Variants in C2CD3 observed in about 807,000 individuals in gnomAD.
The protein encoded by C2CD3 is C2 domain-containing protein 3.
A neutral mutation model predicts 234.0 loss-of-function variants in C2CD3; 148 were observed. That is an observed-to-expected ratio of 0.63 (90% CI 0.55 to 0.72). C2CD3 has a LOEUF of 0.72. Ranked by LOEUF, C2CD3 falls within the 30% of genes least tolerant of loss-of-function variation. C2CD3 has a pLI of 0.00. For missense variants in C2CD3, 2,577 were observed against 2,811.5 expected, an observed-to-expected ratio of 0.92 and a Z score of 1.89; for synonymous variants, 1,000 against 1,035.4, an observed-to-expected ratio of 0.97 and a Z score of 0.66.
intron 26 of C2CD3, among the ~76,000 whole-genome samples, chr11:74,050,338 T>C (rs1591336779): frequency 6.6e-6 from 1 of 152,210 alleles, no homozygotes; most frequent in East Asian, 1.9e-4. Flanking sequence ...GCAAAATGAG[T>C]CTGGGCTCAG....
Position 74,085,715 on chromosome 11 carries a change from C to A in C2CD3, c.3813G>T (p.Leu1271Phe). The change falls in exon 21 of 33, where the codon TTG becomes TTT. Residue 1271 changes from leucine (L) to phenylalanine (F), a missense_variant. By Grantham distance (22) the Leu-to-Phe change is conservative. Transcript: ENST00000334126. ...CCTCTCCACTACAGTGCTGAGTCACCAAGTTACATGTGAACTCAACGTGAT... is the reference window on the plus strand; with the variant it reads ...CCTCTCCACTACAGTGCTGAGTCACAAAGTTACATGTGAACTCAACGTGAT... ...FSHHVEFTCNLVTQHCSGEAC... is the reference protein window; with the variant it reads ...FSHHVEFTCNFVTQHCSGEAC... The A allele has an allele frequency of 6.2e-7, 1 of 1,614,098 alleles. No individual in the cohort carries two copies. The highest frequency in any genetic ancestry group is 8.5e-7 in the Non-Finnish European group (1 of 1,180,030).
chr11:74,029,027 G>A (rs562714839), intron 31 of C2CD3, among the ~76,000 whole-genome samples: 90 of 152,278 alleles, frequency 5.9e-4, no homozygotes, highest in South Asian at 1.2e-3. Context: ...TGTCCATGAC[G>A]GGACATGTCC....
At chr11:74,093,257 T>C (rs978373809) in intron 18 of C2CD3, among the ~76,000 whole-genome samples, 6 of 151,370 alleles carry the variant, frequency 4.0e-5, no homozygotes, top group African/African-American at 1.5e-4. Flanking sequence ...TTTATGCCAG[T>C]ATTTTCCTGG....
chr11:74,143,693 C>T (rs1389044123), intron 3 of C2CD3, among the ~76,000 whole-genome samples: 1 of 151,642 alleles, frequency 6.6e-6, no homozygotes, highest in Non-Finnish European at 1.5e-5. Flanking sequence ...GCTCAATTTA[C>T]TAAAATTGCG....
At position 74,161,576 on chromosome 11, in the gene C2CD3, A is replaced by C. The variant is rs1856473376; in HGVS notation, c.326-20T>G. Reference sequence around the variant, plus strand: ...CCATATCTAACCAGAAACAATTACAACATGGATATTTTTCATTTACTTTTA... The same window carrying C: ...CCATATCTAACCAGAAACAATTACACCATGGATATTTTTCATTTACTTTTA... On this transcript the variant is annotated intron_variant, in intron 2 of 32. Transcript: ENST00000334126. The C allele has an allele frequency of 6.6e-7, 1 of 1,505,772 alleles. No homozygotes were observed. Among genetic ancestry groups the C allele is most frequent in the African/African-American group, 1.4e-5 (1 of 69,796 alleles). The allele number at this position is 1,505,772 out of a possible 1,614,324, so 93.3% of individuals were successfully genotyped here. A position where few individuals can be genotyped will look rare whatever the true frequency, so the allele number is the denominator to read the frequency against.
At chr11:74,155,530 T>C (rs1048108443) in intron 3 of C2CD3, among the ~76,000 whole-genome samples, 4 of 152,184 alleles carry the variant, frequency 2.6e-5, no homozygotes, top group Admixed American at 1.3e-4. Flanking sequence ...GAATGGGATA[T>C]ATCCATATCG....
chr11:74,084,828 G>C (rs1955567418), intron 22 of C2CD3, 53 bp downstream of exon 22: 2 of 1,038,628 alleles, frequency 1.9e-6, no homozygotes, highest in Non-Finnish European at 1.5e-6. Flanking sequence ...ACCTCTTGTA[G>C]GGAAGTGAAA....
At chr11:74,073,927 A>G (rs1954913805) in intron 24 of C2CD3, among the ~76,000 whole-genome samples, 1 of 152,224 alleles carries the variant, frequency 6.6e-6, no homozygotes, top group Non-Finnish European at 1.5e-5. Context: ...CCCTAGGTGC[A>G]TTAGGAAGGC....
chr11:74,036,727 C>T (rs1287662104), intron 30 of C2CD3, among the ~76,000 whole-genome samples: 2 of 152,116 alleles, frequency 1.3e-5, no homozygotes, highest in African/African-American at 4.8e-5. Context: ...TGGAGTAGGA[C>T]CCAGGAATCT....
intron 24 of C2CD3, among the ~76,000 whole-genome samples, chr11:74,058,773 T>C (rs72984839): frequency 0.025 from 3,818 of 152,152 alleles, 64 homozygotes; most frequent in Non-Finnish European, 0.04. Flanking sequence ...TGATACTAGA[T>C]AGTCTAACTG....
chr11:74,120,845 C>G (rs1957187562), intron 8 of C2CD3, among the ~76,000 whole-genome samples: 1 of 151,806 alleles, frequency 6.6e-6, no homozygotes, highest in African/African-American at 2.4e-5. Context: ...AGGATTAGTA[C>G]CAGCAAAAAA....
chr11:74,061,517 A>T (rs1954246616), intron 24 of C2CD3, among the ~76,000 whole-genome samples: 1 of 152,234 alleles, frequency 6.6e-6, no homozygotes, highest in African/African-American at 2.4e-5. Flanking sequence ...TTTCATATCC[A>T]GTCAAACTGA....
intron 15 of C2CD3, among the ~76,000 whole-genome samples, chr11:74,099,974 C>G (rs1435076771): frequency 6.6e-6 from 1 of 151,804 alleles, no homozygotes; most frequent in Non-Finnish European, 1.5e-5. Flanking sequence ...TTAATCAATA[C>G]CCCACCTACG....
At chr11:74,108,682 G>A (rs1469603661) in intron 12 of C2CD3, among the ~76,000 whole-genome samples, 1 of 152,116 alleles carries the variant, frequency 6.6e-6, no homozygotes, top group South Asian at 2.1e-4. Context: ...GCAGATTTGG[G>A]ATGGTGTCCT....
intron 28 of C2CD3, among the ~76,000 whole-genome samples, chr11:74,042,752 TAA>T (rs35623397): frequency 8.6e-5 from 12 of 140,214 alleles, no homozygotes; most frequent in African/African-American, 1.8e-4. Context: ...GACTCTGTCT[TAA>T]AAAAAAAAAA....
intron 22 of C2CD3, among the ~76,000 whole-genome samples, chr11:74,081,766 T>C (rs1955382112): frequency 6.6e-6 from 1 of 152,222 alleles, no homozygotes; most frequent in South Asian, 2.1e-4. Context: ...AGTTCACTCA[T>C]GATTTGGCTC....
chr11:74,114,110 C>T (rs1260698225), intron 10 of C2CD3, among the ~76,000 whole-genome samples: 1 of 152,152 alleles, frequency 6.6e-6, no homozygotes, highest in African/African-American at 2.4e-5. Context: ...CTATTTTGGG[C>T]CCTAAAGCTT....
rs767041191 is a variant in C2CD3 at position 74,098,241 on chromosome 11, G to T, written c.2747C>A (p.Ser916Tyr). ...GTACTGGGCATCCAGCAGCAGGCGA[G>T]AAATCTTAGCATCTCTAGAGGGGGA... ...FYMSFKDAKI[S>Y]RLLLDAQYPV... The change falls in exon 16 of 33, where the codon TCT becomes TAT. Residue 916 changes from serine to tyrosine, a missense_variant. Physicochemically the swap from Ser to Tyr is moderately radical, Grantham distance 144 (BLOSUM62 -2). Transcript: ENST00000334126. The T allele has an allele frequency of 5.0e-5, 81 of 1,613,946 alleles. No individual in the cohort carries two copies. The highest frequency in any genetic ancestry group is 6.4e-5 in the Non-Finnish European group (76 of 1,179,954).
intron 24 of C2CD3, among the ~76,000 whole-genome samples, chr11:74,063,037 GGATAAATTCCTGGACACACACAC>G (rs1954322730): frequency 6.6e-6 from 1 of 152,132 alleles, no homozygotes; most frequent in Non-Finnish European, 1.5e-5. Context: ...TAGAAGAAAT[GGATAAATTCCTGGACACACACAC>G]CCTCCCAAGA....
Sources: gnomAD v4.1 joint callset for allele counts (sites outside exome capture counted in the v4.1 genomes callset) on GRCh38, gnomAD v4.1.1 for gene constraint, MANE v1.5 for transcripts, NCBI Gene and HGNC (gene_info 2026-07-23, HGNC 2026-07-21) for gene names.